The following VGLL4 variants were observed in gnomAD, a reference collection of about 807,000 sequenced individuals.
The protein encoded by VGLL4 is vestigial like family member 4, also known as transcription cofactor vestigial-like protein 4.
Under a neutral mutation model 21.0 loss-of-function variants are expected in VGLL4, and 7 were observed. The ratio of observed to expected loss-of-function variants is 0.33; its 90% CI spans 0.19 to 0.63. The LOEUF is 0.63. Among genes scored for constraint, VGLL4 ranks in the 20% least tolerant of loss-of-function variants. The probability of loss-of-function intolerance (pLI) is 0.78; values close to 1 mark genes in which losing one functional copy is unlikely to be tolerated. For missense variants in VGLL4, 394 were observed against 425.7 expected, an observed-to-expected ratio of 0.93 and a Z score of 0.66; for synonymous variants, 222 against 173.2, an observed-to-expected ratio of 1.28 and a Z score of -2.21.
At position 11,568,598 on chromosome 3, in the gene VGLL4, T is replaced by C; in HGVS notation, c.273-3579A>G. ...GGTTAATTTTAGTAAAATTATACATTACTCACATTTCCAGCTCATTTTCCT... is the reference window on the plus strand; with the variant it reads ...GGTTAATTTTAGTAAAATTATACATCACTCACATTTCCAGCTCATTTTCCT... On this transcript the variant is annotated intron_variant, in intron 2 of 4. Coordinates refer to ENST00000430365, the MANE Select transcript of VGLL4 (RefSeq NM_001128219.3). This position sits in a 1 kb window ranked among gnomAD's most constrained non-coding sequence, Gnocchi z 5.9. 6.4e-7 allele frequency: 1 copy of C among 1,565,728 alleles called. No homozygotes were observed. The highest frequency in any genetic ancestry group is 8.7e-7 in the Non-Finnish European group (1 of 1,153,686).
chr3:11,649,620 TTAAAAA>T (rs1397992316), intron 2 of VGLL4, among the ~76,000 whole-genome samples: 2 of 152,204 alleles, frequency 1.3e-5, no homozygotes, highest in African/African-American at 2.4e-5. Context: ...GTTTAACAAC[TTAAAAA>T]TAATAAGAAT....
intron 2 of VGLL4, among the ~76,000 whole-genome samples, chr3:11,580,258 T>C (rs901730355): frequency 2.0e-5 from 3 of 152,232 alleles, no homozygotes; most frequent in African/African-American, 7.2e-5. Flanking sequence ...AGTGGAATCA[T>C]ACAACATTTG....
At chr3:11,651,363 A>T (rs146327814) in intron 2 of VGLL4, among the ~76,000 whole-genome samples, 1 of 151,992 alleles carries the variant, frequency 6.6e-6, no homozygotes, top group East Asian at 1.9e-4. Context: ...AGAAAGAAAA[A>T]GAAAGAAAAG....
At chr3:11,687,850 C>A (rs193100209) in intron 2 of VGLL4, among the ~76,000 whole-genome samples, 2 of 152,148 alleles carry the variant, frequency 1.3e-5, no homozygotes, top group African/African-American at 4.8e-5. Context: ...CTAGCTAGAA[C>A]GTCAAGTTCA....
intron 1 of VGLL4, among the ~76,000 whole-genome samples, chr3:11,634,442 A>C (rs1185196038): frequency 6.6e-6 from 1 of 151,952 alleles, no homozygotes; most frequent in Non-Finnish European, 1.5e-5. Flanking sequence ...CCTTACCCCT[A>C]TCTCTTGCCT....
intron 2 of VGLL4, among the ~76,000 whole-genome samples, chr3:11,660,744 G>T (rs770847332): frequency 6.6e-6 from 1 of 152,034 alleles, no homozygotes; most frequent in Non-Finnish European, 1.5e-5. Flanking sequence ...GGGAACTTGG[G>T]CATAAACTCA....
At position 11,562,154 on chromosome 3, in the gene VGLL4, C is replaced by T. The variant is rs555930721; in HGVS notation, c.495+2643G>A. The stretch of plus-strand genomic sequence containing the variant: ...CTCAAGTGATCCGCCGCCTCAACCC[C>T]CCAAAGGGCTGGGATTACAGGTGTG... On this transcript the variant is annotated intron_variant, in intron 3 of 4. Coordinates refer to ENST00000430365, the MANE Select transcript of VGLL4 (RefSeq NM_001128219.3). 5.3e-5 allele frequency among the ~76,000 whole-genome samples: 8 copies of T among 152,192 alleles called. No individual in the cohort carries two copies. In the East Asian group the frequency reaches 1.6e-3, roughly 30 times the overall value.
chr3:11,671,027 C>T (rs976750235), intron 2 of VGLL4, among the ~76,000 whole-genome samples: 8 of 152,098 alleles, frequency 5.3e-5, no homozygotes, highest in South Asian at 4.2e-4. Context: ...ACAGAGATTC[C>T]GTCTCAAAAA....
intron 2 of VGLL4, among the ~76,000 whole-genome samples, chr3:11,695,784 G>A (rs1218565882): frequency 6.6e-6 from 1 of 152,104 alleles, no homozygotes; most frequent in South Asian, 2.1e-4. Flanking sequence ...CACTCTTATG[G>A]ATGAAAATGC....
intron 2 of VGLL4, among the ~76,000 whole-genome samples, chr3:11,597,016 GA>G (rs1300900228): frequency 6.6e-6 from 1 of 152,152 alleles, no homozygotes; most frequent in Non-Finnish European, 1.5e-5. Context: ...TTGTAGGCCA[GA>G]AAATAAGAAA....
intron 2 of VGLL4, among the ~76,000 whole-genome samples, chr3:11,652,717 A>C (rs1455409852): frequency 6.6e-6 from 1 of 152,208 alleles, no homozygotes; most frequent in East Asian, 1.9e-4. Flanking sequence ...ATGGTGTTTT[A>C]AATAAATCAG....
intron 2 of VGLL4, among the ~76,000 whole-genome samples, chr3:11,583,385 G>C (rs1367708524): frequency 6.6e-6 from 1 of 152,198 alleles, no homozygotes; most frequent in Non-Finnish European, 1.5e-5. Context: ...TGCCCTGACA[G>C]AATCACTGTC....
chr3:11,557,379 G>A lies in VGLL4; in HGVS notation c.*1177C>T. 6.5e-6 allele frequency: 1 copy of A among 152,788 alleles called. No homozygotes were observed. Among genetic ancestry groups the A allele is most frequent in the East Asian group, 1.9e-4 (1 of 5,334 alleles). 9.5% of individuals were successfully genotyped at this position (152,788 alleles called of 1,614,324 possible). On this transcript the variant is annotated 3_prime_UTR_variant, in exon 5 of 5. Transcript: ENST00000430365. ...GTTCAGCCAAGAGAGTTCAAAGGGA[G>A]CAGTTTCTGCATGTAGGGAAGTTGG...
At chr3:11,683,192 G>A (rs114978286) in intron 2 of VGLL4, among the ~76,000 whole-genome samples, 4,356 of 141,410 alleles carry the variant, frequency 0.031, 203 homozygotes, top group African/African-American at 0.1. Flanking sequence ...ACAACAGAGC[G>A]AGACTCTGTC....
intron 1 of VGLL4, among the ~76,000 whole-genome samples, chr3:11,620,449 G>A (rs1234846770): frequency 6.6e-6 from 1 of 152,136 alleles, no homozygotes; most frequent in South Asian, 2.1e-4. Flanking sequence ...AAAAGGTGCC[G>A]GAGGGCAGGG....
chr3:11,625,934 G>A (rs932327897), intron 1 of VGLL4, among the ~76,000 whole-genome samples: 7 of 152,110 alleles, frequency 4.6e-5, no homozygotes, highest in East Asian at 1.9e-4. Flanking sequence ...GGTTTCTTCC[G>A]GGAGTGATGA....
chr3:11,641,447 C>G (rs1362781776), intron 1 of VGLL4, among the ~76,000 whole-genome samples: 2 of 152,134 alleles, frequency 1.3e-5, no homozygotes, highest in Non-Finnish European at 2.9e-5. Context: ...CATAACCTTT[C>G]CAACTTTTCC....
At chr3:11,638,396 A>G (rs1489599159) in intron 1 of VGLL4, among the ~76,000 whole-genome samples, 1 of 152,060 alleles carries the variant, frequency 6.6e-6, no homozygotes, top group African/African-American at 2.4e-5. Flanking sequence ...GCTGGAAGGA[A>G]GGGTATAATC....
intron 2 of VGLL4, among the ~76,000 whole-genome samples, chr3:11,590,024 C>T (rs3856799): frequency 0.91 from 139,081 of 152,238 alleles, 63,708 homozygotes; most frequent in Non-Finnish European, 0.94. Flanking sequence ...AGTGTTTCTG[C>T]GCATAAGACT....
Sources: allele counts gnomAD v4.1 joint callset (sites outside exome capture counted in the v4.1 genomes callset), GRCh38; gene constraint gnomAD v4.1.1; non-coding constraint Gnocchi (gnomAD v3.1); transcripts MANE v1.5; gene names NCBI Gene and HGNC (gene_info 2026-07-23, HGNC 2026-07-21).